The following CCSER1 variants were observed in gnomAD, a reference collection of about 807,000 sequenced individuals.
CCSER1 encodes the protein serine-rich coiled-coil domain-containing protein 1.
A neutral mutation model predicts 82.0 loss-of-function variants in CCSER1; 41 were observed. That is an observed-to-expected ratio of 0.50 (90% confidence interval 0.39 to 0.65). CCSER1 has a LOEUF of 0.65. Ranked by LOEUF, CCSER1 falls within the 30% of genes least tolerant of loss-of-function variation. The pLI is 0.00. For synonymous variants in CCSER1, 414 were observed against 383.9 expected (o/e 1.08, Z -0.92); for missense variants, 1,119 against 1,064.2 (o/e 1.05, Z -0.72).
intron 6 of CCSER1, among the ~76,000 whole-genome samples, chr4:90,709,771 A>G (rs1445377611): frequency 6.6e-6 from 1 of 152,086 alleles, no homozygotes. Flanking sequence ...TTATAATAGA[A>G]TGATTTATAT....
chr4:91,478,109 A>T (rs147835845), intron 10 of CCSER1, among the ~76,000 whole-genome samples: 4 of 151,864 alleles, frequency 2.6e-5, no homozygotes, highest in Non-Finnish European at 5.9e-5. Flanking sequence ...TATAGAAGTC[A>T]TTGTTCAATG....
chr4:90,398,096 C>G (rs999740633), intron 3 of CCSER1, among the ~76,000 whole-genome samples: 6 of 152,144 alleles, frequency 3.9e-5, no homozygotes, highest in African/African-American at 9.7e-5. Context: ...CCTTGGCTTG[C>G]AAATGACCTA....
intron 10 of CCSER1, among the ~76,000 whole-genome samples, chr4:91,203,801 T>C (rs1736124418): frequency 6.6e-6 from 1 of 151,820 alleles, no homozygotes; most frequent in East Asian, 1.9e-4. Flanking sequence ...TCAATACTAG[T>C]TTCTATAGTC....
intron 10 of CCSER1, among the ~76,000 whole-genome samples, chr4:91,373,508 C>G (rs116226025): frequency 0.02 from 2,986 of 152,178 alleles, 75 homozygotes; most frequent in African/African-American, 0.067. Flanking sequence ...GGGACACTGT[C>G]AAATATGTCT....
intron 6 of CCSER1, among the ~76,000 whole-genome samples, chr4:90,716,095 T>C (rs1741591371): frequency 6.6e-6 from 1 of 151,398 alleles, no homozygotes; most frequent in Middle Eastern, 3.5e-3. Flanking sequence ...AATAAATAAC[T>C]GTATATAAAT....
intron 3 of CCSER1, among the ~76,000 whole-genome samples, chr4:90,330,406 G>A (rs75125255): frequency 0.043 from 6,511 of 152,190 alleles, 197 homozygotes; most frequent in African/African-American, 0.076. Flanking sequence ...TAAATGAAAA[G>A]CAGATCAGCC....
At chr4:90,605,902 A>G (rs1451372153) in intron 5 of CCSER1, among the ~76,000 whole-genome samples, 1 of 150,010 alleles carries the variant, frequency 6.7e-6, no homozygotes. Flanking sequence ...ATAGTGCTTA[A>G]GTTTATTAGA....
chr4:90,955,653 A>C (rs1434093556), intron 9 of CCSER1, among the ~76,000 whole-genome samples: 1 of 152,100 alleles, frequency 6.6e-6, no homozygotes, highest in Non-Finnish European at 1.5e-5. Flanking sequence ...TTTACTATTT[A>C]TATTATCTGA....
chr4:90,157,134 A>G (rs1300450917), intron 1 of CCSER1, among the ~76,000 whole-genome samples: 11 of 152,098 alleles, frequency 7.2e-5, no homozygotes, highest in Admixed American at 1.3e-4. Context: ...CACTTATGAA[A>G]CTTAGTTTGG....
chr4:91,353,375 C>G (rs139395595), intron 10 of CCSER1, among the ~76,000 whole-genome samples: 2 of 152,136 alleles, frequency 1.3e-5, no homozygotes, highest in Non-Finnish European at 2.9e-5. Flanking sequence ...GGGAGTTTCA[C>G]GATGTTCTTC....
At chr4:90,994,764 A>G (rs1248245880) in intron 9 of CCSER1, among the ~76,000 whole-genome samples, 1 of 152,176 alleles carries the variant, frequency 6.6e-6, no homozygotes, top group African/African-American at 2.4e-5. Context: ...CGAAGTTGTT[A>G]TACCTTTTAG....
At chr4:90,550,156 AGGG>A (rs774767369) in intron 5 of CCSER1, among the ~76,000 whole-genome samples, 1 of 152,158 alleles carries the variant, frequency 6.6e-6, no homozygotes, top group Admixed American at 6.6e-5. Flanking sequence ...GAGGAGAGCA[AGGG>A]GTAGTTATAA....
chr4:90,420,743 T>C (rs1469540298), intron 4 of CCSER1, among the ~76,000 whole-genome samples: 1 of 152,120 alleles, frequency 6.6e-6, no homozygotes, highest in Admixed American at 6.5e-5. Context: ...TCATAGTATT[T>C]ACTTGTAACC....
intron 10 of CCSER1, among the ~76,000 whole-genome samples, chr4:91,545,489 C>T (rs759210283): frequency 6.6e-6 from 1 of 152,056 alleles, no homozygotes; most frequent in East Asian, 1.9e-4. Flanking sequence ...GTTTTCTTCC[C>T]GTGGATTTTG....
At chr4:91,416,149 G>C (rs142757302) in intron 10 of CCSER1, among the ~76,000 whole-genome samples, 2,299 of 152,106 alleles carry the variant, frequency 0.015, 23 homozygotes, top group Non-Finnish European at 0.024. Context: ...AACAAGGGAA[G>C]TGAAGGACCT....
At chr4:91,490,958 A>G (rs1475220483) in intron 10 of CCSER1, among the ~76,000 whole-genome samples, 1 of 124,570 alleles carries the variant, frequency 8.0e-6, no homozygotes, top group Non-Finnish European at 1.7e-5. Context: ...ACCCATAAAA[A>G]TTAAAAATTA....
intron 7 of CCSER1, among the ~76,000 whole-genome samples, chr4:90,801,428 A>G (rs1315279335): frequency 6.6e-6 from 1 of 152,144 alleles, no homozygotes; most frequent in Non-Finnish European, 1.5e-5. Context: ...GTAAGGTGGT[A>G]TTATTATTTT....
intron 5 of CCSER1, among the ~76,000 whole-genome samples, chr4:90,557,810 A>G (rs2153645443): frequency 6.6e-6 from 1 of 152,268 alleles, no homozygotes; most frequent in East Asian, 1.9e-4. Context: ...AGTTTCTCAT[A>G]TTACATGTGG....
At chr4:90,426,168 C>T (rs547431585) in intron 4 of CCSER1, among the ~76,000 whole-genome samples, 5 of 152,214 alleles carry the variant, frequency 3.3e-5, no homozygotes, top group East Asian at 1.9e-4. Context: ...AGATGAATGA[C>T]GAATGCAGCA....
Sources: gnomAD v4.1 joint callset for allele counts (sites outside exome capture counted in the v4.1 genomes callset) on GRCh38, gnomAD v4.1.1 for gene constraint, MANE v1.5 for transcripts, NCBI Gene and HGNC (gene_info 2026-07-23, HGNC 2026-07-21) for gene names.